STAT6: variants seen among roughly 807,000 people sequenced by gnomAD.
STAT6 encodes the protein STAT, interleukin4-induced.
A neutral mutation model predicts 106.3 loss-of-function variants in STAT6; 45 were observed. The observed-to-expected ratio is 0.42, with a 90% CI of 0.33 to 0.54. The LOEUF (loss-of-function observed/expected upper bound fraction) is 0.54, where lower values mean the gene tolerates loss of function less well. Among genes scored for constraint, STAT6 ranks in the 20% least tolerant of loss-of-function variants. STAT6 has a pLI of 0.06. For missense variants in STAT6, 797 were observed against 1,062.2 expected, an observed-to-expected ratio of 0.75 and a Z score of 3.47; for synonymous variants, 413 against 413.6, an observed-to-expected ratio of 1.00 and a Z score of 0.02.
chr12:57,110,598 C>T (rs1159271084), intron 1 of STAT6: 1 of 152,216 alleles, frequency 6.6e-6, no homozygotes, highest in Non-Finnish European at 1.5e-5. Flanking sequence ...AGGGTTAACT[C>T]GGCGCCGCCG....
At chr12:57,108,034 T>G (rs1434573765) in intron 2 of STAT6, 129 bp downstream of exon 2, 1 of 690,608 alleles carries the variant, frequency 1.4e-6, no homozygotes, top group Non-Finnish European at 2.5e-6. Flanking sequence ...CCCTGCTAAA[T>G]CTAGGTCACT....
chr12:57,102,806 T>G, intron 12 of STAT6, 23 bp downstream of exon 12: 1 of 1,599,762 alleles, frequency 6.3e-7, no homozygotes, highest in South Asian at 1.1e-5. Context: ...CCCTGTTCCC[T>G]CCAACTCCAG....
Position 57,096,269 on chromosome 12 carries a change from A to ATG in STAT6, c.*301_*302dup. On this transcript the variant is annotated 3_prime_UTR_variant, in exon 22 of 22. Coordinates refer to ENST00000300134, the MANE Select transcript of STAT6 (RefSeq NM_003153.5). ...CCCCATCACCCTCAGAGAGCTCTGT[A>ATG]TGTGTGTGTGCGTGCGTGTGCGCGC... 2 of 342,578 alleles carry ATG rather than the reference A, an allele frequency of 5.8e-6. No individual in the cohort carries two copies. The highest frequency in any genetic ancestry group is 1.1e-5 in the Non-Finnish European group (2 of 186,978). The allele number at this position is 342,578 out of a possible 1,614,324, so 21.2% of individuals were successfully genotyped here.
chr12:57,099,888 G>GT lies in STAT6; in HGVS notation c.1622_1623insA (p.Phe541LeufsTer9). 1 of 1,614,148 alleles carries GT rather than the reference G, an allele frequency of 6.2e-7. No individual in the cohort carries two copies. The highest frequency in any genetic ancestry group is 2.2e-5 in the East Asian group (1 of 44,900). Reference sequence around the variant, plus strand: ...GGCTAGTAACGTACTGTTTGCTGATGAAGCCAATGATCAGCCTGGCCGGGA... The same window carrying GT: ...GGCTAGTAACGTACTGTTTGCTGATGTAAGCCAATGATCAGCCTGGCCGGGA... On this transcript the variant is annotated frameshift_variant, in exon 15 of 22. Coordinates refer to ENST00000300134, the MANE Select transcript of STAT6 (RefSeq NM_003153.5). LOFTEE classifies it high-confidence loss of function. The surrounding 1 kb of genome is among the most constrained non-coding windows in gnomAD (Gnocchi z 4.7).
Position 57,105,353 on chromosome 12 carries a change from G to C in STAT6, c.813-14C>G, listed in dbSNP as rs2034202236. 6.2e-7 allele frequency: 1 copy of C among 1,612,650 alleles called. No homozygotes were observed. The highest frequency in any genetic ancestry group is 1.7e-5 in the Admixed American group (1 of 59,968). On this transcript the variant is annotated splice_polypyrimidine_tract_variant and intron_variant, in intron 8 of 21. Transcript: ENST00000300134. Reference sequence around the variant, plus strand: ...ACCAGGAAGCAACTGGGAGTGAGGAGGACACAAGGGGAGTTGGGGGCTAGG... The same window carrying C: ...ACCAGGAAGCAACTGGGAGTGAGGACGACACAAGGGGAGTTGGGGGCTAGG...
rs546661236 is a variant in STAT6, at chr12:57,099,573, G to A, written c.1745-133C>T. On this transcript the variant is annotated intron_variant, in intron 15 of 21. Coordinates refer to ENST00000300134, the MANE Select transcript of STAT6 (RefSeq NM_003153.5). The surrounding 1 kb of genome is among the most constrained non-coding windows in gnomAD (Gnocchi z 4.7). ...CCTAGGGTGGGGCTCCTGAGGGAGA[G>A]AGACCCACTAGTCTCCGTTCCCACA... 901 of 1,402,982 alleles carry A rather than the reference G, an allele frequency of 6.4e-4. 10 individuals carry two copies. In the South Asian group the frequency reaches 0.011, roughly 17 times the overall value. 86.9% of individuals were successfully genotyped at this position (1,402,982 alleles called of 1,614,324 possible).
In STAT6 at chr12:57,108,228, C is replaced by T; in HGVS notation, c.51G>A (p.Arg17=). 2 of 1,613,172 alleles carry T rather than the reference C, an allele frequency of 1.2e-6. No homozygotes were observed. Among genetic ancestry groups the T allele is most frequent in the East Asian group, 2.2e-5 (1 of 44,878 alleles). Residue 17 remains arginine, a synonymous_variant, in exon 2 of 22, where the codon CGG becomes CGA. Coordinates refer to ENST00000300134, the MANE Select transcript of STAT6 (RefSeq NM_003153.5). ...VSKMPPEKVQ[R]LYVDFPQHLR... ...GGTGTTGGGGAAAGTCGACATAGAG[C>T]CGCTGCACTTTTTCTGGGGGCATCT...
At chr12:57,098,933 A>G in intron 17 of STAT6, 31 bp from the exon 18 acceptor site, 1 of 1,613,158 alleles carries the variant, frequency 6.2e-7, no homozygotes, top group Non-Finnish European at 8.5e-7. Context: ...CATGTGACTG[A>G]CCAAGGGTTG....
rs767112143 is a variant in STAT6 at position 57,099,558 on chromosome 12, G to T, written c.1745-118C>A. On this transcript the variant is annotated intron_variant, in intron 15 of 21. Transcript: ENST00000300134. This position sits in a 1 kb window ranked among gnomAD's most constrained non-coding sequence, Gnocchi z 4.7. ...GCAAGGGAGAGAGGACCTAGGGTGG[G>T]GCTCCTGAGGGAGAGAGACCCACTA... The T allele has an allele frequency of 1.6e-3, 2,376 of 1,452,580 alleles. 5 individuals are homozygous for T. The highest frequency in any genetic ancestry group is 2.0e-3 in the Non-Finnish European group (2,095 of 1,063,136). The allele number at this position is 1,452,580 out of a possible 1,614,324, so 90.0% of individuals were successfully genotyped here.
At chr12:57,105,386 T>C in intron 8 of STAT6, 47 bp from the exon 9 acceptor site, 1 of 1,609,404 alleles carries the variant, frequency 6.2e-7, no homozygotes, top group Non-Finnish European at 8.5e-7. Context: ...AGGTCCCTGC[T>C]GGTGCCCTCC....
chr12:57,102,704 C>T, intron 12 of STAT6, 125 bp downstream of exon 12: 1 of 941,270 alleles, frequency 1.1e-6, no homozygotes, highest in South Asian at 1.5e-5. Context: ...GAAAGCAGGC[C>T]CATGAGAAAG....
At position 57,102,964 on chromosome 12, in the gene STAT6, CCTTTTTTTTTTTTTTTTTTTTTTTTT is replaced by C. The variant is rs1476735822; in HGVS notation, c.1213-69_1213-44del. 2.5e-4 allele frequency: 69 copies of C among 279,892 alleles called. No individual in the cohort carries two copies. In the South Asian group the frequency reaches 2.7e-3, roughly 11 times the overall value. 17.3% of individuals were successfully genotyped at this position (279,892 alleles called of 1,614,324 possible). A position where few individuals can be genotyped will look rare whatever the true frequency, so the allele number is the denominator to read the frequency against. ...AGGGGTTTCTTTTCTTTCTTTCTTT[CCTTTTTTTTTTTTTTTTTTTTTTTTT>C]TTTTTTTTTTTTTTTTTTTTTTTTA... On this transcript the variant is annotated intron_variant, in intron 11 of 21. Transcript: ENST00000300134.
chr12:57,100,987 C>T (rs1194117882), intron 13 of STAT6: 10 of 352,846 alleles, frequency 2.8e-5, no homozygotes, highest in Non-Finnish European at 4.7e-5. Flanking sequence ...TTAAGCACAG[C>T]GCCTGGCATA....
intron 12 of STAT6, 136 bp from the exon 13 acceptor site, chr12:57,102,632 C>A: frequency 9.3e-7 from 1 of 1,073,336 alleles, no homozygotes. Flanking sequence ...GCTGTTTTTT[C>A]TAGGTTACAG....
At position 57,099,995 on chromosome 12, in the gene STAT6, C is replaced by A; in HGVS notation, c.1607+1G>T. 6.2e-7 allele frequency: 1 copy of A among 1,613,822 alleles called. No individual in the cohort carries two copies. The highest frequency in any genetic ancestry group is 8.5e-7 in the Non-Finnish European group (1 of 1,179,846). ...TCAGACTACCCAGGGTGGGGACTCACCGGTCAGACCAGTAGCTCCGGAGAC... is the reference window on the plus strand; with the variant it reads ...TCAGACTACCCAGGGTGGGGACTCAACGGTCAGACCAGTAGCTCCGGAGAC... On this transcript the variant is annotated splice_donor_variant, in intron 14 of 21. Transcript: ENST00000300134. LOFTEE classifies it high-confidence loss of function. The surrounding 1 kb of genome is among the most constrained non-coding windows in gnomAD (Gnocchi z 4.7).
chr12:57,110,762 G>A (rs1165086210), intron 1 of STAT6, among the ~76,000 whole-genome samples: 2 of 152,128 alleles, frequency 1.3e-5, no homozygotes, highest in African/African-American at 2.4e-5. Context: ...GCAGGATAGG[G>A]GTTTAACAAG....
rs2034341695 is a variant in STAT6 at position 57,107,411 on chromosome 12, G to A, written c.256-97C>T. Reference sequence around the variant, plus strand: ...CCTGCATTCACACATATACTATAAGGAAGCACAACTGTAGACTCCAGAAGT... The same window carrying A: ...CCTGCATTCACACATATACTATAAGAAAGCACAACTGTAGACTCCAGAAGT... On this transcript the variant is annotated intron_variant, in intron 3 of 21. Coordinates refer to ENST00000300134, the MANE Select transcript of STAT6 (RefSeq NM_003153.5). 5 of 1,352,896 alleles carry A rather than the reference G, an allele frequency of 3.7e-6. No homozygotes were observed. In the South Asian group the frequency reaches 6.1e-5, roughly 16 times the overall value. The allele number at this position is 1,352,896 out of a possible 1,614,324, so 83.8% of individuals were successfully genotyped here. A position where few individuals can be genotyped will look rare whatever the true frequency, so the allele number is the denominator to read the frequency against.
chr12:57,100,731 A>AAAGAAAGAAAG (rs2033864280), intron 13 of STAT6: 1 of 228,632 alleles, frequency 4.4e-6, no homozygotes, highest in Non-Finnish European at 9.1e-6. Context: ...AGAAAGAAAG[A>AAAGAAAGAAAG]AAGAAAGAAA....
At chr12:57,105,116 G>T in intron 9 of STAT6, 35 bp downstream of exon 9, 1 of 1,586,574 alleles carries the variant, frequency 6.3e-7, no homozygotes. Flanking sequence ...CACCCTAACA[G>T]CCCTTCTCCA....
Sources: gnomAD v4.1 joint callset for allele counts (sites outside exome capture counted in the v4.1 genomes callset) on GRCh38, gnomAD v4.1.1 for gene constraint, Gnocchi (gnomAD v3.1) non-coding constraint, MANE v1.5 for transcripts, NCBI Gene and HGNC (gene_info 2026-07-23, HGNC 2026-07-21) for gene names.